Variants in KCNMA1 observed in about 807,000 individuals in gnomAD.
The protein encoded by KCNMA1 is Calcium-activated potassium channel subunit alpha-1.
A neutral mutation model predicts 140.0 loss-of-function variants in KCNMA1; 29 were observed. That is an observed-to-expected ratio of 0.21 (90% CI 0.15 to 0.28). KCNMA1 has a LOEUF of 0.28. Among genes scored for constraint, KCNMA1 ranks in the 10% least tolerant of loss-of-function variants. The pLI, the probability that KCNMA1 is intolerant of heterozygous loss-of-function variation, is 1.00. For synonymous variants in KCNMA1, 612 were observed against 611.9 expected (o/e 1.00, Z 0.00); for missense variants, 880 against 1,602.2 (o/e 0.55, Z 7.70).
chr10:77,502,586 A>T (rs1207239831), intron 1 of KCNMA1, among the ~76,000 whole-genome samples: 1 of 151,834 alleles, frequency 6.6e-6, no homozygotes, highest in African/African-American at 2.4e-5. Context: ...AGAAAGAAGA[A>T]CCCCCACATC....
intron 5 of KCNMA1, 21 bp downstream of exon 5, chr10:77,183,400 A>G: frequency 6.6e-7 from 1 of 1,518,240 alleles, no homozygotes; most frequent in Non-Finnish European, 9.2e-7. Context: ...AGGAAGGAGA[A>G]GGAAAGAGAG....
At chr10:76,933,073 G>T (rs916461186) in intron 23 of KCNMA1, among the ~76,000 whole-genome samples, 2 of 152,178 alleles carry the variant, frequency 1.3e-5, no homozygotes, top group Non-Finnish European at 2.9e-5. Context: ...ATCTGATAAA[G>T]GCTCCTCCAG....
At chr10:77,334,280 G>T (rs1602999838) in intron 2 of KCNMA1, among the ~76,000 whole-genome samples, 1 of 152,110 alleles carries the variant, frequency 6.6e-6, no homozygotes, top group Non-Finnish European at 1.5e-5. Context: ...GGAGTTCATT[G>T]TAAGACTCTT....
At position 77,086,582 on chromosome 10, in the gene KCNMA1, T is replaced by C. The variant is rs1393513680; in HGVS notation, c.1346A>G (p.Asn449Ser). 2.5e-6 allele frequency: 4 copies of C among 1,612,708 alleles called. No homozygotes were observed. The highest frequency in any genetic ancestry group is 2.5e-6 in the Non-Finnish European group (3 of 1,178,876). Residue 449 changes from asparagine to serine, a missense_variant, in exon 11 of 28, where the codon AAC (asparagine) becomes AGC (serine). Asn to Ser is a conservative substitution (Grantham distance 46). Around this residue, in one of 13 missense-constraint regions of KCNMA1, gnomAD observed 198 missense variants for 580.1 expected, o/e 0.34. Coordinates refer to ENST00000286628, the MANE Select transcript of KCNMA1 (RefSeq NM_001161352.2). Reference sequence around the variant, plus strand: ...TTTGAACAGAGCTTCAAGCTCCAGGTTGGGGGAGATGCTACACAGGGAGAG... The same window carrying C: ...TTTGAACAGAGCTTCAAGCTCCAGGCTGGGGGAGATGCTACACAGGGAGAG... ...EIVFLHNISP[N>S]LELEALFKRH...
chr10:77,412,705 C>T lies in KCNMA1; in HGVS notation c.379-8682G>A, dbSNP rs150961838. Among the ~76,000 whole-genome samples, 247 of 152,300 alleles carry T rather than the reference C, an allele frequency of 1.6e-3. 1 individual carries two copies. The highest frequency in any genetic ancestry group is 5.6e-3 in the African/African-American group (231 of 41,570). ...GCAGAGGAGGCAGGGCCCCGGACCC[C>T]GCGGAAATAAAAGCGCCTCTGCATT... On this transcript the variant is annotated intron_variant, in intron 1 of 27. Transcript: ENST00000286628.
At chr10:77,136,744 A>G (rs1226427970) in intron 5 of KCNMA1, among the ~76,000 whole-genome samples, 1 of 152,156 alleles carries the variant, frequency 6.6e-6, no homozygotes, top group Non-Finnish European at 1.5e-5. Context: ...GATTTCTTTA[A>G]TATTCTTGAG....
At chr10:77,447,358 CT>C (rs2097548052) in intron 1 of KCNMA1, among the ~76,000 whole-genome samples, 1 of 152,036 alleles carries the variant, frequency 6.6e-6, no homozygotes, top group Non-Finnish European at 1.5e-5. Context: ...ACATCATGAG[CT>C]CAAACTGGTC....
At chr10:77,571,506 C>G (rs1029454796) in intron 1 of KCNMA1, among the ~76,000 whole-genome samples, 2 of 152,236 alleles carry the variant, frequency 1.3e-5, no homozygotes, top group Non-Finnish European at 2.9e-5. Flanking sequence ...CAAATTCTCA[C>G]AGCAAACATT....
At chr10:77,155,679 T>C (rs1413995238) in intron 5 of KCNMA1, among the ~76,000 whole-genome samples, 1 of 152,050 alleles carries the variant, frequency 6.6e-6, no homozygotes, top group Non-Finnish European at 1.5e-5. Context: ...CCTCCACCAT[T>C]ACGATCTGAA....
At chr10:76,983,126 C>CTGCAATCCATATT (rs2080085874) in intron 19 of KCNMA1, among the ~76,000 whole-genome samples, 1 of 152,190 alleles carries the variant, frequency 6.6e-6, no homozygotes, top group Non-Finnish European at 1.5e-5. Flanking sequence ...TGAAAACTGA[C>CTGCAATCCATATT]TGCAATCCAT....
intron 5 of KCNMA1, among the ~76,000 whole-genome samples, chr10:77,159,410 TGGGCTTATGTA>T (rs2098529581): frequency 6.6e-6 from 1 of 152,162 alleles, no homozygotes; most frequent in African/African-American, 2.4e-5. Flanking sequence ...ATGGGAAAGA[TGGGCTTATGTA>T]GGGCTTTGAG....
At chr10:77,634,562 C>T in intron 1 of KCNMA1, 1 of 488,698 alleles carries the variant, frequency 2.0e-6, no homozygotes, top group Non-Finnish European at 2.4e-6. Flanking sequence ...GACCTGCTTT[C>T]CTCTGGACTC....
At chr10:76,949,420 G>T in intron 21 of KCNMA1, 54 bp from the exon 22 acceptor site, 1 of 1,362,760 alleles carries the variant, frequency 7.3e-7, no homozygotes, top group Non-Finnish European at 1.0e-6. Flanking sequence ...TAGGGCTGTT[G>T]TAAGGAGTGA....
chr10:76,876,827 G>C (rs936568503), downstream of KCNMA1: 5 of 152,216 alleles, frequency 3.3e-5, no homozygotes, highest in Admixed American at 2.0e-4. Context: ...TGGGGAGAAA[G>C]TCCACCAGAC....
chr10:77,105,101 C>G (rs2097174517), intron 9 of KCNMA1, among the ~76,000 whole-genome samples: 1 of 152,194 alleles, frequency 6.6e-6, no homozygotes, highest in Non-Finnish European at 1.5e-5. Context: ...AACCCCTATT[C>G]TTAGATGCTC....
chr10:77,501,818 C>T (rs1269403446), intron 1 of KCNMA1, among the ~76,000 whole-genome samples: 2 of 152,248 alleles, frequency 1.3e-5, no homozygotes, highest in Non-Finnish European at 2.9e-5. Context: ...CAAATTCTCT[C>T]TGTCTGTGAG....
At chr10:76,962,999 T>A (rs1167797520) in intron 20 of KCNMA1, among the ~76,000 whole-genome samples, 1 of 152,186 alleles carries the variant, frequency 6.6e-6, no homozygotes, top group Non-Finnish European at 1.5e-5. Flanking sequence ...GCATTTGCTA[T>A]AAAAAGGGCA....
chr10:77,436,984 ACACACACACACAC>A (rs1566842967), intron 1 of KCNMA1, among the ~76,000 whole-genome samples: 9 of 148,618 alleles, frequency 6.1e-5, no homozygotes, highest in African/African-American at 2.4e-4. Flanking sequence ...ACACACACAC[ACACACACACACAC>A]TCCTTCAGCC....
chr10:77,253,832 G>C (rs10824506), intron 2 of KCNMA1, among the ~76,000 whole-genome samples: 4,289 of 152,262 alleles, frequency 0.028, 211 homozygotes, highest in East Asian at 0.22. Flanking sequence ...TAAGGTAACT[G>C]TGCACGTAGT....
Sources: allele counts gnomAD v4.1 joint callset (sites outside exome capture counted in the v4.1 genomes callset), GRCh38; gene constraint gnomAD v4.1.1; regional missense constraint gnomAD v4.1.1; transcripts MANE v1.5; gene names NCBI Gene and HGNC (gene_info 2026-07-23, HGNC 2026-07-21).